Variants in GLRA1 observed in about 807,000 individuals in gnomAD.
GLRA1 encodes glycine receptor subunit alpha-1.
In GLRA1, 37 loss-of-function variants were observed where a neutral mutation model predicts 48.3. That is an observed-to-expected ratio of 0.77 (90% CI 0.59 to 1.01). The LOEUF is 1.01. GLRA1 is among the 50% of genes least tolerant of loss of function. The pLI is 0.00. For missense variants in GLRA1, 427 were observed against 571.0 expected, an observed-to-expected ratio of 0.75 and a Z score of 2.57; for synonymous variants, 196 against 210.7, an observed-to-expected ratio of 0.93 and a Z score of 0.60.
chr5:151,835,755 C>A lies in GLRA1; in HGVS notation c.913-6688G>T, dbSNP rs140593193. ...GCAGAAAAGGCCTTTGATAAAATTC[C>A]ACACCCCTTCATGCTAAAAACTCTC... On this transcript the variant is annotated intron_variant, in intron 7 of 8. Coordinates refer to ENST00000274576, the MANE Select transcript of GLRA1 (RefSeq NM_000171.4). Among the ~76,000 whole-genome samples, 1,306 of 152,174 alleles carry A rather than the reference C, an allele frequency of 8.6e-3. 16 individuals carry two copies. Among genetic ancestry groups the A allele is most frequent in the African/African-American group, 0.03 (1,253 of 41,530 alleles).
chr5:151,846,544 C>T (rs2113328034), intron 7 of GLRA1, among the ~76,000 whole-genome samples: 1 of 152,264 alleles, frequency 6.6e-6, no homozygotes, highest in South Asian at 2.1e-4. Context: ...CTGCAGAGAG[C>T]ATATTGTCGA....
intron 8 of GLRA1, among the ~76,000 whole-genome samples, chr5:151,825,300 A>G (rs1763245587): frequency 6.6e-6 from 1 of 151,060 alleles, no homozygotes; most frequent in South Asian, 2.1e-4. Context: ...GTGTTGTTCT[A>G]TTTTTATTTT....
chr5:151,890,957 A>G (rs970999220), intron 2 of GLRA1, among the ~76,000 whole-genome samples: 1 of 152,236 alleles, frequency 6.6e-6, no homozygotes, highest in Admixed American at 6.5e-5. Context: ...TGCATCTCTC[A>G]GAACATTTTC....
chr5:151,899,407 C>T (rs1754310095), intron 1 of GLRA1, among the ~76,000 whole-genome samples: 1 of 152,174 alleles, frequency 6.6e-6, no homozygotes, highest in Non-Finnish European at 1.5e-5. Context: ...AGAAAGCTTT[C>T]TCCTGCCCCA....
rs6891463 is a variant in GLRA1 at position 151,849,996 on chromosome 5, G to A, written c.912+1394C>T. 2,926 of 1,601,152 alleles carry A rather than the reference G, an allele frequency of 1.8e-3. 43 individuals carry two copies. The African/African-American group carries it at 0.034, about 19-fold the overall frequency. On this transcript the variant is annotated intron_variant, in intron 7 of 8. Coordinates refer to ENST00000274576, the MANE Select transcript of GLRA1 (RefSeq NM_000171.4). ...GTGAAGTTTTCGAGTACAACCGAAAGCCTGCAGTGACCAATTTGAGGCACA... is the reference window on the plus strand; with the variant it reads ...GTGAAGTTTTCGAGTACAACCGAAAACCTGCAGTGACCAATTTGAGGCACA...
intron 3 of GLRA1, among the ~76,000 whole-genome samples, chr5:151,863,723 T>C (rs1753261821): frequency 6.6e-6 from 1 of 152,298 alleles, no homozygotes; most frequent in South Asian, 2.1e-4. Context: ...TCTTTTGGAA[T>C]GCTGCTTATA....
At chr5:151,907,587 A>T (rs760464246) in intron 1 of GLRA1, among the ~76,000 whole-genome samples, 2 of 152,212 alleles carry the variant, frequency 1.3e-5, no homozygotes, top group South Asian at 4.1e-4. Flanking sequence ...CAAATATCAG[A>T]TGGGTTTGAG....
chr5:151,897,545 T>C (rs1754253415), intron 1 of GLRA1, among the ~76,000 whole-genome samples: 1 of 151,968 alleles, frequency 6.6e-6, no homozygotes, highest in Non-Finnish European at 1.5e-5. Flanking sequence ...AGAAAGAGAG[T>C]GAGGTCTTCT....
At chr5:151,893,967 G>A (rs920128802) in intron 1 of GLRA1, among the ~76,000 whole-genome samples, 2 of 152,200 alleles carry the variant, frequency 1.3e-5, no homozygotes, top group Admixed American at 1.3e-4. Context: ...ATTTCAATAA[G>A]AGTCAATGTT....
chr5:151,854,258 G>A (rs1752979585), intron 6 of GLRA1, among the ~76,000 whole-genome samples: 2 of 152,194 alleles, frequency 1.3e-5, no homozygotes, highest in South Asian at 4.1e-4. Context: ...ACAGACTGCA[G>A]CCCAGGCTGC....
chr5:151,908,452 G>A (rs1413919790), intron 1 of GLRA1, among the ~76,000 whole-genome samples: 1 of 151,296 alleles, frequency 6.6e-6, no homozygotes, highest in African/African-American at 2.4e-5. Context: ...ATTTGTTTCT[G>A]AATCCTAGGA....
intron 3 of GLRA1, among the ~76,000 whole-genome samples, chr5:151,873,850 G>C (rs1353542975): frequency 6.6e-6 from 1 of 152,142 alleles, no homozygotes; most frequent in African/African-American, 2.4e-5. Context: ...GATTCAGGGG[G>C]TATATGTGCA....
Position 151,921,463 on chromosome 5 carries a change from G to A in GLRA1, c.56+3031C>T, listed in dbSNP as rs576772853. 2.0e-5 allele frequency among the ~76,000 whole-genome samples: 3 copies of A among 152,286 alleles called. No homozygotes were observed. In the South Asian group the frequency reaches 6.2e-4, roughly 32 times the overall value. ...AGGGAGGTAGTGCTACTAGCACCAG[G>A]GATGCGGCTAAACATCCCACAATGC... On this transcript the variant is annotated intron_variant, in intron 1 of 8. Transcript: ENST00000274576.
chr5:151,896,578 G>A (rs2113425748), intron 1 of GLRA1, among the ~76,000 whole-genome samples: 1 of 152,208 alleles, frequency 6.6e-6, no homozygotes, highest in East Asian at 1.9e-4. Flanking sequence ...GAACTACCCG[G>A]TAATCCTCTG....
chr5:151,898,427 T>C (rs928371449), intron 1 of GLRA1, among the ~76,000 whole-genome samples: 2 of 152,162 alleles, frequency 1.3e-5, no homozygotes, highest in Non-Finnish European at 2.9e-5. Context: ...AGGGAATCAA[T>C]ATAAAGCTGT....
Position 151,924,556 on chromosome 5 carries a change from G to A in GLRA1, c.-7C>T, listed in dbSNP as rs377268097. On this transcript the variant is annotated 5_prime_UTR_variant, in exon 1 of 9. Coordinates refer to ENST00000274576, the MANE Select transcript of GLRA1 (RefSeq NM_000171.4). ...GAGTATTGAAGCTGTACATTTTTCAGGTCCTTGTGCTTTGTAGTCCACGAG... is the reference window on the plus strand; with the variant it reads ...GAGTATTGAAGCTGTACATTTTTCAAGTCCTTGTGCTTTGTAGTCCACGAG... 60 of 1,589,516 alleles carry A rather than the reference G, an allele frequency of 3.8e-5. No individual in the cohort carries two copies. The highest frequency in any genetic ancestry group is 6.7e-5 in the African/African-American group (5 of 74,404).
At chr5:151,889,443 TC>T (rs1297421520) in intron 2 of GLRA1, among the ~76,000 whole-genome samples, 1 of 152,200 alleles carries the variant, frequency 6.6e-6, no homozygotes, top group African/African-American at 2.4e-5. Flanking sequence ...AGTAAGTGAC[TC>T]ATTTGGGGTC....
intron 1 of GLRA1, among the ~76,000 whole-genome samples, chr5:151,911,606 T>TG (rs1282344145): frequency 1.4e-5 from 2 of 144,406 alleles, no homozygotes; most frequent in African/African-American, 2.6e-5. Flanking sequence ...TAGAGTTTTT[T>TG]TTTTTTTTTT....
intron 7 of GLRA1, among the ~76,000 whole-genome samples, chr5:151,830,234 C>T (rs1763390617): frequency 6.6e-6 from 1 of 152,212 alleles, no homozygotes. Flanking sequence ...TGATATATCT[C>T]ATGGTTCCCT....
Sources: allele counts gnomAD v4.1 joint callset (sites outside exome capture counted in the v4.1 genomes callset), GRCh38; gene constraint gnomAD v4.1.1; transcripts MANE v1.5; gene names NCBI Gene and HGNC (gene_info 2026-07-23, HGNC 2026-07-21).